Variants in GSK3B observed in about 807,000 individuals in gnomAD.
The protein encoded by GSK3B is glycogen synthase kinase-3 beta.
Under a neutral mutation model 56.4 loss-of-function variants are expected in GSK3B, and 15 were observed. The observed-to-expected ratio is 0.27, with a 90% CI of 0.18 to 0.41. The LOEUF (loss-of-function observed/expected upper bound fraction) is 0.41. GSK3B is among the 10% of genes least tolerant of loss of function. The pLI is 1.00. For missense variants in GSK3B, 300 were observed against 513.4 expected, an observed-to-expected ratio of 0.58 and a Z score of 4.02; for synonymous variants, 181 against 188.9, an observed-to-expected ratio of 0.96 and a Z score of 0.34.
At chr3:119,961,962 AGCT>A (rs1450404686) in intron 2 of GSK3B, among the ~76,000 whole-genome samples, 1 of 152,268 alleles carries the variant, frequency 6.6e-6, no homozygotes, top group East Asian at 1.9e-4. Flanking sequence ...AGCTAGGCTA[AGCT>A]ATAATGTACT....
intron 3 of GSK3B, among the ~76,000 whole-genome samples, chr3:119,940,246 A>G (rs559712540): frequency 6.6e-6 from 1 of 152,084 alleles, no homozygotes; most frequent in African/African-American, 2.4e-5. Context: ...AGAAAAATTA[A>G]GCAATTTGCT....
chr3:119,926,522 T>C (rs758217804), intron 3 of GSK3B, among the ~76,000 whole-genome samples: 7 of 152,206 alleles, frequency 4.6e-5, no homozygotes, highest in Non-Finnish European at 8.8e-5. Context: ...CTAAATGGTC[T>C]GCTTCTACCC....
rs541330975 is a variant in GSK3B, at chr3:119,973,159, TTAC to T, written c.283-25811_283-25809del. ...TATTAACCCTAAGTAGTAAGCATTATTACTACTACTACTACTACATTAGTCTCT... is the reference window on the plus strand; with the variant it reads ...TATTAACCCTAAGTAGTAAGCATTATTACTACTACTACTACATTAGTCTCT... On this transcript the variant is annotated intron_variant, in intron 2 of 10. Transcript: ENST00000264235. Among the ~76,000 whole-genome samples, 522 of 152,204 alleles carry T rather than the reference TTAC, an allele frequency of 3.4e-3. 1 individual carries two copies. The highest frequency in any genetic ancestry group is 5.5e-3 in the Non-Finnish European group (376 of 68,004).
intron 3 of GSK3B, among the ~76,000 whole-genome samples, chr3:119,932,487 A>C (rs1576209809): frequency 6.6e-6 from 1 of 150,878 alleles, no homozygotes; most frequent in Non-Finnish European, 1.5e-5. Flanking sequence ...CAAAATAAAC[A>C]CCAAAATTAC....
intron 7 of GSK3B, among the ~76,000 whole-genome samples, chr3:119,899,893 G>C (rs2056609028): frequency 1.3e-5 from 2 of 151,962 alleles, no homozygotes. Flanking sequence ...GGCATCATAA[G>C]AAATGAAGCC....
intron 2 of GSK3B, among the ~76,000 whole-genome samples, chr3:119,970,802 C>CA (rs1158455198): frequency 2.0e-4 from 28 of 138,950 alleles, no homozygotes; most frequent in Admixed American, 5.6e-4. Flanking sequence ...AACAAACAAA[C>CA]AAACAAAAAA....
chr3:120,084,555 C>A (rs879431643), intron 1 of GSK3B: 21 of 152,236 alleles, frequency 1.4e-4, no homozygotes, highest in Non-Finnish European at 2.4e-4. Flanking sequence ...GATTTAGGAG[C>A]AGAATGAAAC....
intron 10 of GSK3B, among the ~76,000 whole-genome samples, chr3:119,829,135 C>G (rs1049442104): frequency 1.3e-5 from 2 of 152,130 alleles, no homozygotes; most frequent in Non-Finnish European, 2.9e-5. Flanking sequence ...GAAGTTTTAC[C>G]CTTAATGATC....
At chr3:120,029,676 G>T in intron 1 of GSK3B, 1 of 531,440 alleles carries the variant, frequency 1.9e-6, no homozygotes, top group Non-Finnish European at 3.7e-6. Context: ...AGCCATTATG[G>T]CCATGGATAC....
chr3:119,906,228 C>T lies in GSK3B; in HGVS notation c.716-376G>A, dbSNP rs946244317. On this transcript the variant is annotated intron_variant, in intron 6 of 10. Coordinates refer to ENST00000264235, the MANE Select transcript of GSK3B (RefSeq NM_001146156.2). ...ACGTCTGCATATTAGTAGGTACTTA[C>T]AGAGGAGCAGCAAGGAAAGGTTCAA... 3.3e-5 allele frequency among the ~76,000 whole-genome samples: 5 copies of T among 152,138 alleles called. No homozygotes were observed. The East Asian group carries it at 9.7e-4, about 29-fold the overall frequency.
intron 10 of GSK3B, among the ~76,000 whole-genome samples, chr3:119,837,223 C>T (rs2055704515): frequency 6.6e-6 from 1 of 152,130 alleles, no homozygotes. Context: ...GGCGTGATCT[C>T]GGCTTACTGC....
intron 10 of GSK3B, among the ~76,000 whole-genome samples, chr3:119,830,390 T>C (rs535475066): frequency 3.3e-5 from 5 of 152,248 alleles, no homozygotes; most frequent in Non-Finnish European, 7.3e-5. Flanking sequence ...TTAATGAGCT[T>C]TCTATTAAAA....
At chr3:119,936,345 TATATATATA>T (rs2056994363) in intron 3 of GSK3B, among the ~76,000 whole-genome samples, 1 of 104,904 alleles carries the variant, frequency 9.5e-6, no homozygotes, top group Non-Finnish European at 1.7e-5. Flanking sequence ...AAAATATATA[TATATATATA>T]TTTTTTTTTT....
At chr3:119,950,041 C>T (rs577136341) in intron 2 of GSK3B, among the ~76,000 whole-genome samples, 4 of 151,146 alleles carry the variant, frequency 2.6e-5, no homozygotes, top group Non-Finnish European at 5.9e-5. Context: ...ATATCACCTA[C>T]GGAAGAAGTT....
chr3:119,996,403 TTCTTGCAAGCCAAGGCTTTGGGTGCTC>T (rs1412607990), intron 2 of GSK3B, among the ~76,000 whole-genome samples: 1 of 152,200 alleles, frequency 6.6e-6, no homozygotes. Context: ...AATACACAAT[TTCTTGCAAGCCAAGGCTTTGGGTGCTC>T]TCTTGCTTTA....
At chr3:119,870,663 A>T (rs554495762) in intron 8 of GSK3B, among the ~76,000 whole-genome samples, 1 of 152,342 alleles carries the variant, frequency 6.6e-6, no homozygotes, top group African/African-American at 2.4e-5. Flanking sequence ...GGCTTTAGAA[A>T]GGGAGAGGAA....
intron 7 of GSK3B, among the ~76,000 whole-genome samples, chr3:119,877,729 T>C (rs1418866972): frequency 6.6e-6 from 1 of 152,148 alleles, no homozygotes; most frequent in African/African-American, 2.4e-5. Flanking sequence ...GTCAAAAAAG[T>C]ATAATTACAG....
At chr3:120,091,584 A>G (rs1211173699) in intron 1 of GSK3B, among the ~76,000 whole-genome samples, 1 of 152,168 alleles carries the variant, frequency 6.6e-6, no homozygotes, top group East Asian at 1.9e-4. Context: ...GCTGAAATAG[A>G]CTGACTGATT....
intron 1 of GSK3B, among the ~76,000 whole-genome samples, chr3:120,076,686 C>G (rs1014641903): frequency 6.6e-6 from 1 of 151,188 alleles, no homozygotes; most frequent in East Asian, 1.9e-4. Context: ...TGGTGGCGCA[C>G]GCCTGTAGTC....
Sources: allele counts gnomAD v4.1 joint callset (sites outside exome capture counted in the v4.1 genomes callset), GRCh38; gene constraint gnomAD v4.1.1; transcripts MANE v1.5; gene names NCBI Gene and HGNC (gene_info 2026-07-23, HGNC 2026-07-21).